The following IL18RAP variants were observed in gnomAD, a reference collection of about 807,000 sequenced individuals.
IL18RAP encodes interleukin-18 receptor accessory protein.
IL18RAP carries 37 observed loss-of-function variants against 58.1 expected under a neutral mutation model. That is an observed-to-expected ratio of 0.64 (90% confidence interval 0.49 to 0.84). The LOEUF (loss-of-function observed/expected upper bound fraction) is 0.84, where lower values mean the gene tolerates loss of function less well. IL18RAP is among the 40% of genes least tolerant of loss of function. The pLI is 0.00. For synonymous variants in IL18RAP, 268 were observed against 257.5 expected (o/e 1.04, Z -0.39); for missense variants, 667 against 704.8 (o/e 0.95, Z 0.61).
At chr2:102,420,364 C>A (rs1395754067), upstream of IL18RAP, among the ~76,000 whole-genome samples, 1 of 152,096 alleles carries the variant, frequency 6.6e-6, no homozygotes, top group Non-Finnish European at 1.5e-5. Context: ...TCAGGAAGCC[C>A]AAAAATCTGC....
At chr2:102,420,942 G>A (rs1326726108), upstream of IL18RAP, among the ~76,000 whole-genome samples, 2 of 152,154 alleles carry the variant, frequency 1.3e-5, no homozygotes, top group African/African-American at 4.8e-5. Flanking sequence ...TGTTCATTTG[G>A]CACTCTCCTA....
At chr2:102,446,657 C>A (rs916520856) in intron 7 of IL18RAP, among the ~76,000 whole-genome samples, 9 of 152,024 alleles carry the variant, frequency 5.9e-5, no homozygotes, top group African/African-American at 2.2e-4. Flanking sequence ...AAAAATTAGC[C>A]GGGCGTGGTG....
Position 102,450,989 on chromosome 2 carries a change from G to T in IL18RAP, c.1352G>T (p.Cys451Phe), listed in dbSNP as rs1372610995. The T allele has an allele frequency of 6.2e-7, 1 of 1,604,370 alleles. No homozygotes were observed. Among genetic ancestry groups the T allele is most frequent in the Non-Finnish European group, 8.5e-7 (1 of 1,176,508 alleles). ...GAAAACAAATATGGATATAGCCTGT[G>T]TTTGCTTGAAAGAGATGTGGCTCCA... is the stretch of plus-strand genomic sequence containing the variant. ...VLENKYGYSL[C>F]LLERDVAPGG... The change falls in exon 9 of 10, where the codon TGT (cysteine) becomes TTT (phenylalanine). Residue 451 changes from cysteine (C) to phenylalanine (F), a missense_variant. Physicochemically the swap from Cys to Phe is radical, Grantham distance 205. Coordinates refer to ENST00000687160, the MANE Select transcript of IL18RAP (RefSeq NM_001393487.1).
intron 4 of IL18RAP, among the ~76,000 whole-genome samples, chr2:102,440,635 A>AGAGAGG (rs1450910219): frequency 6.6e-6 from 1 of 151,610 alleles, no homozygotes. Context: ...AGCGAGAGAG[A>AGAGAGG]GAGAGGGAGA....
intron 4 of IL18RAP, among the ~76,000 whole-genome samples, chr2:102,438,150 T>C (rs1266726544): frequency 6.6e-6 from 1 of 152,220 alleles, no homozygotes; most frequent in East Asian, 1.9e-4. Context: ...TTCCGCAACT[T>C]GTCTGTTTTT....
intron 3 of IL18RAP, among the ~76,000 whole-genome samples, chr2:102,433,107 A>C (rs1682496496): frequency 6.6e-6 from 1 of 151,988 alleles, no homozygotes; most frequent in South Asian, 2.1e-4. Flanking sequence ...TAGGACTTGC[A>C]CCTTGAATAA....
Position 102,447,108 on chromosome 2 carries a change from C to G in IL18RAP, c.1111C>G (p.Leu371Val). The change falls in exon 8 of 10, where the codon CTG becomes GTG. Residue 371 changes from leucine (L) to valine (V), a missense_variant. Transcript: ENST00000687160. The part of the protein sequence containing the change: ...LYILLGTIGT[L>V]VAVLAASALL... ...CATCCTGCTTGGCACCATCGGGACC[C>G]TGGTGGCCGTGCTGGCGGCGAGTGC... 2 of 1,614,110 alleles carry G rather than the reference C, an allele frequency of 1.2e-6. No individual in the cohort carries two copies. The highest frequency in any genetic ancestry group is 1.7e-6 in the Non-Finnish European group (2 of 1,180,010).
intron 3 of IL18RAP, among the ~76,000 whole-genome samples, chr2:102,436,476 C>G (rs1682745924): frequency 1.3e-5 from 2 of 152,192 alleles, no homozygotes; most frequent in East Asian, 1.9e-4. Flanking sequence ...ACTCTGCCCC[C>G]ACCCTTAGTC....
At chr2:102,438,129 C>A (rs967019234) in intron 4 of IL18RAP, among the ~76,000 whole-genome samples, 7 of 152,120 alleles carry the variant, frequency 4.6e-5, no homozygotes, top group African/African-American at 1.7e-4. Context: ...TTTTTTGGTT[C>A]ATTGGCTTTC....
chr2:102,428,039 G>C (rs904761103), intron 3 of IL18RAP, among the ~76,000 whole-genome samples: 21 of 145,434 alleles, frequency 1.4e-4, no homozygotes, highest in African/African-American at 4.8e-4. Flanking sequence ...TGGGCTTTCT[G>C]TCATATTCCA....
intron 7 of IL18RAP, among the ~76,000 whole-genome samples, chr2:102,446,236 C>T (rs1223946653): frequency 6.6e-6 from 1 of 152,166 alleles, no homozygotes; most frequent in East Asian, 1.9e-4. Flanking sequence ...TCAGGAACTG[C>T]CCATTCCCCT....
chr2:102,447,085 T>A lies in IL18RAP; in HGVS notation c.1088T>A (p.Ile363Asn). Reference sequence around the variant, plus strand: ...GTCTCCACAGTGGTGCTCCTGTACATCCTGCTTGGCACCATCGGGACCCTG... The same window carrying A: ...GTCTCCACAGTGGTGCTCCTGTACAACCTGCTTGGCACCATCGGGACCCTG... ...KEKRGVVLLYILLGTIGTLVA... is the reference protein window; with the variant it reads ...KEKRGVVLLYNLLGTIGTLVA... Residue 363 changes from isoleucine to asparagine, a missense_variant, in exon 8 of 10, where the codon ATC becomes AAC. Ile to Asn is a moderately radical substitution (Grantham distance 149). Coordinates refer to ENST00000687160, the MANE Select transcript of IL18RAP (RefSeq NM_001393487.1). 6.2e-7 allele frequency: 1 copy of A among 1,613,998 alleles called. No individual in the cohort carries two copies.
In IL18RAP at chr2:102,441,188, T is replaced by G. The variant is rs904720405; in HGVS notation, c.731-124T>G. On this transcript the variant is annotated intron_variant, in intron 4 of 9. Coordinates refer to ENST00000687160, the MANE Select transcript of IL18RAP (RefSeq NM_001393487.1). ...CCGGAATTCCTAACTTACAGGTAAT[T>G]AGTAAAATGTGAAGACAGAGCTCCA... 4.5e-6 allele frequency: 3 copies of G among 663,648 alleles called. No homozygotes were observed. In the Admixed American group the frequency reaches 8.3e-5, roughly 18 times the overall value. The allele number at this position is 663,648 out of a possible 1,614,324, so 41.1% of individuals were successfully genotyped here.
At chr2:102,442,067 T>G (rs2104363076) in intron 5 of IL18RAP, among the ~76,000 whole-genome samples, 1 of 152,282 alleles carries the variant, frequency 6.6e-6, no homozygotes, top group East Asian at 1.9e-4. Flanking sequence ...TAACATTAAC[T>G]CTTATGAATA....
chr2:102,436,708 C>T (rs902084700), intron 3 of IL18RAP, among the ~76,000 whole-genome samples: 2 of 151,884 alleles, frequency 1.3e-5, no homozygotes, highest in African/African-American at 4.8e-5. Context: ...CGTTCCAGAA[C>T]CTCTGTTTAT....
At chr2:102,423,005 T>G (rs1681671336), upstream of IL18RAP, among the ~76,000 whole-genome samples, 1 of 152,174 alleles carries the variant, frequency 6.6e-6, no homozygotes, top group African/African-American at 2.4e-5. Flanking sequence ...TTGAGATGAT[T>G]TGTAAGAAAT....
At chr2:102,444,737 C>A (rs898953470) in intron 6 of IL18RAP, among the ~76,000 whole-genome samples, 1 of 152,204 alleles carries the variant, frequency 6.6e-6, no homozygotes, top group Non-Finnish European at 1.5e-5. Context: ...ACTCACCCAC[C>A]TTCTTTGCCT....
At chr2:102,437,093 C>A (rs767525947) in intron 3 of IL18RAP, 119 bp from the exon 4 acceptor site, 2 of 845,528 alleles carry the variant, frequency 2.4e-6, no homozygotes, top group Admixed American at 2.7e-5. Context: ...TGTGAGATAC[C>A]CTTATCTCAG....
rs780861988 is a variant in IL18RAP at position 102,437,266 on chromosome 2, T to C, written c.634T>C (p.Tyr212His). ...CAACCGAATCGTAGTGGATGAAGTT[T>C]ATGACTATCACCAGGGCACATATGT... ...RSNRIVVDEV[Y>H]DYHQGTYVCD... Residue 212 changes from tyrosine to histidine, a missense_variant, in exon 4 of 10, where the codon TAT (tyrosine) becomes CAT (histidine). Transcript: ENST00000687160. 6.2e-7 allele frequency: 1 copy of C among 1,613,836 alleles called. No individual in the cohort carries two copies. Among genetic ancestry groups the C allele is most frequent in the East Asian group, 2.2e-5 (1 of 44,868 alleles).
Sources: gnomAD v4.1 joint callset for allele counts (sites outside exome capture counted in the v4.1 genomes callset) on GRCh38, gnomAD v4.1.1 for gene constraint, MANE v1.5 for transcripts, NCBI Gene and HGNC (gene_info 2026-07-23, HGNC 2026-07-21) for gene names.